The following SLC16A7 variants were observed in gnomAD, a reference collection of about 807,000 sequenced individuals.
The protein encoded by SLC16A7 is solute carrier family 16 member 7, also known as monocarboxylate transporter 2.
In SLC16A7, 33 loss-of-function variants were observed where a neutral mutation model predicts 34.9. The observed-to-expected ratio is 0.94, with a 90% confidence interval of 0.72 to 1.26. The LOEUF is 1.26. Ranked by LOEUF, SLC16A7 falls within the 50% of genes most tolerant of loss-of-function variation. The pLI, the probability that SLC16A7 is intolerant of heterozygous loss-of-function variation, is 0.00. For missense variants in SLC16A7, 573 were observed against 578.1 expected (o/e 0.99, Z 0.09); for synonymous variants, 201 against 206.6 (o/e 0.97, Z 0.23).
chr12:59,666,264 C>G (rs528661234), intron 2 of SLC16A7, among the ~76,000 whole-genome samples: 4 of 151,946 alleles, frequency 2.6e-5, no homozygotes, highest in African/African-American at 9.7e-5. Context: ...TAATTCATTT[C>G]GATTTTGAAG....
At chr12:59,679,790 A>G (rs978228918) in intron 2 of SLC16A7, among the ~76,000 whole-genome samples, 6 of 152,232 alleles carry the variant, frequency 3.9e-5, no homozygotes, top group South Asian at 2.1e-4. Context: ...ACAACAAGAC[A>G]TTAAATGCAA....
intron 1 of SLC16A7, among the ~76,000 whole-genome samples, chr12:59,602,778 C>T (rs1189750972): frequency 6.6e-6 from 1 of 152,114 alleles, no homozygotes; most frequent in East Asian, 1.9e-4. Flanking sequence ...AGCCACTGAG[C>T]CTGGCCAGAC....
At position 59,787,926 on chromosome 12, in the gene SLC16A7, C is replaced by T. The variant is rs1257748004; in HGVS notation, c.*8247C>T. On this transcript the variant is annotated 3_prime_UTR_variant, in exon 6 of 6. Coordinates refer to ENST00000547379, the MANE Select transcript of SLC16A7 (RefSeq NM_001270623.2). ...GATTGTAACTTAATCAAATATGAGT[C>T]AGATATAGTAATTCCTGATATTGCA... 1.3e-5 allele frequency: 2 copies of T among 152,134 alleles called. No homozygotes were observed. The highest frequency in any genetic ancestry group is 2.9e-5 in the Non-Finnish European group (2 of 68,034). 9.4% of individuals were successfully genotyped at this position (152,134 alleles called of 1,614,324 possible).
chr12:59,759,134 T>C (rs961618002), intron 3 of SLC16A7, among the ~76,000 whole-genome samples: 2 of 152,044 alleles, frequency 1.3e-5, no homozygotes, highest in Non-Finnish European at 2.9e-5. Flanking sequence ...ACCATGTAAC[T>C]TGGAACTTTT....
At chr12:59,650,476 C>A (rs1176066978) in intron 1 of SLC16A7, among the ~76,000 whole-genome samples, 1 of 152,060 alleles carries the variant, frequency 6.6e-6, no homozygotes, top group East Asian at 1.9e-4. Context: ...AAGCTGTATA[C>A]CCCTGAGAAC....
chr12:59,711,702 C>T (rs1379304371), intron 3 of SLC16A7, among the ~76,000 whole-genome samples: 1 of 152,044 alleles, frequency 6.6e-6, no homozygotes, highest in Non-Finnish European at 1.5e-5. Flanking sequence ...GTTTTTTGTA[C>T]AGACGAGGTT....
chr12:59,780,320 G>T lies in SLC16A7; in HGVS notation c.*641G>T, dbSNP rs1883152784. ...TAAAGATAAGCACATGGGTAAAAAT[G>T]AGGGTGATCCTTATTCAAAAATAAC... On this transcript the variant is annotated 3_prime_UTR_variant, in exon 6 of 6. Transcript: ENST00000547379. The T allele has an allele frequency of 6.6e-6, 1 of 152,058 alleles. No individual in the cohort carries two copies. Among genetic ancestry groups the T allele is most frequent in the African/African-American group, 2.4e-5 (1 of 41,414 alleles). 9.4% of individuals were successfully genotyped at this position (152,058 alleles called of 1,614,324 possible). A position where few individuals can be genotyped will look rare whatever the true frequency, so the allele number is the denominator to read the frequency against.
Position 59,781,267 on chromosome 12 carries a change from A to G in SLC16A7, c.*1588A>G, listed in dbSNP as rs1037274242. On this transcript the variant is annotated 3_prime_UTR_variant, in exon 6 of 6. Transcript: ENST00000547379. ...AGTTATAAATACAATATTTATATCTATAAATCTGAAGTTTAACATGATTAA... is the reference window on the plus strand; with the variant it reads ...AGTTATAAATACAATATTTATATCTGTAAATCTGAAGTTTAACATGATTAA... 4 of 149,564 alleles carry G rather than the reference A, an allele frequency of 2.7e-5. No homozygotes were observed. The highest frequency in any genetic ancestry group is 6.6e-5 in the Admixed American group (1 of 15,128). The allele number at this position is 149,564 out of a possible 1,614,324, so 9.3% of individuals were successfully genotyped here.
intron 1 of SLC16A7, among the ~76,000 whole-genome samples, chr12:59,618,564 A>C (rs937595371): frequency 1.3e-5 from 2 of 151,716 alleles, no homozygotes; most frequent in Non-Finnish European, 2.9e-5. Context: ...TCACCACTGT[A>C]ATTAAAATAA....
intron 1 of SLC16A7, among the ~76,000 whole-genome samples, chr12:59,618,189 G>A (rs1879541169): frequency 6.6e-6 from 1 of 151,714 alleles, no homozygotes; most frequent in Non-Finnish European, 1.5e-5. Context: ...CTGCTTATCA[G>A]TACCATTTAT....
At chr12:59,750,072 C>T (rs1461487559) in intron 3 of SLC16A7, among the ~76,000 whole-genome samples, 2 of 152,084 alleles carry the variant, frequency 1.3e-5, no homozygotes, top group African/African-American at 4.8e-5. Flanking sequence ...ACTCAAGGTG[C>T]ATTAAAGACT....
At chr12:59,610,134 GCA>G (rs1879129342) in intron 1 of SLC16A7, among the ~76,000 whole-genome samples, 1 of 151,958 alleles carries the variant, frequency 6.6e-6, no homozygotes, top group Non-Finnish European at 1.5e-5. Flanking sequence ...CTCCCTCTTT[GCA>G]CACACAATTT....
chr12:59,770,939 C>A (rs1006433331), intron 3 of SLC16A7, among the ~76,000 whole-genome samples: 1 of 152,068 alleles, frequency 6.6e-6, no homozygotes, highest in Non-Finnish European at 1.5e-5. Flanking sequence ...TATTGAAAAA[C>A]TTTTCCATCA....
intron 2 of SLC16A7, among the ~76,000 whole-genome samples, chr12:59,701,354 A>C (rs1399013622): frequency 6.6e-6 from 1 of 150,834 alleles, no homozygotes; most frequent in Non-Finnish European, 1.5e-5. Flanking sequence ...GTAGCATTTG[A>C]AGCTCTTATG....
intron 1 of SLC16A7, among the ~76,000 whole-genome samples, chr12:59,607,072 G>A (rs964622424): frequency 6.6e-6 from 1 of 152,116 alleles, no homozygotes; most frequent in African/African-American, 2.4e-5. Context: ...CCTGTTTTCT[G>A]TGGCTGCCTT....
At chr12:59,650,513 T>A (rs966101832) in intron 1 of SLC16A7, among the ~76,000 whole-genome samples, 3 of 152,184 alleles carry the variant, frequency 2.0e-5, no homozygotes, top group Non-Finnish European at 4.4e-5. Flanking sequence ...GAGTATTTCC[T>A]CTTTTGTAAA....
intron 2 of SLC16A7, among the ~76,000 whole-genome samples, chr12:59,664,267 AT>A (rs1335104316): frequency 2.0e-5 from 3 of 152,108 alleles, no homozygotes; most frequent in Non-Finnish European, 2.9e-5. Context: ...ACACCACTGC[AT>A]TTTTCCAAAG....
intron 2 of SLC16A7, among the ~76,000 whole-genome samples, chr12:59,672,002 TCCATATATCC>T (rs1869840592): frequency 3.5e-4 from 1 of 2,850 alleles, no homozygotes; most frequent in African/African-American, 2.8e-3. Flanking sequence ...TGTGTATATA[TCCATATATCC>T]GTATATATGT....
intron 2 of SLC16A7, chr12:59,664,605 T>C (rs952095202): frequency 6.6e-6 from 1 of 152,166 alleles, no homozygotes; most frequent in Non-Finnish European, 1.5e-5. Flanking sequence ...GAAAATGTGC[T>C]TGAAAATGTG....
Sources: allele counts gnomAD v4.1 joint callset (sites outside exome capture counted in the v4.1 genomes callset), GRCh38; gene constraint gnomAD v4.1.1; transcripts MANE v1.5; gene names NCBI Gene and HGNC (gene_info 2026-07-23, HGNC 2026-07-21).